The following LRRC8B variants were observed in gnomAD, a reference collection of about 807,000 sequenced individuals.
LRRC8B encodes volume-regulated anion channel subunit LRRC8B.
LRRC8B carries 23 observed loss-of-function variants against 58.8 expected under a neutral mutation model. The observed-to-expected ratio is 0.39, with a 90% CI of 0.28 to 0.55. LRRC8B has a LOEUF of 0.55. Ranked by LOEUF, LRRC8B falls within the 20% of genes least tolerant of loss-of-function variation. The probability of loss-of-function intolerance (pLI) is 0.62; values close to 1 mark genes in which losing one functional copy is unlikely to be tolerated. For synonymous variants in LRRC8B, 359 were observed against 374.1 expected, an observed-to-expected ratio of 0.96 and a Z score of 0.47; for missense variants, 694 against 936.0, an observed-to-expected ratio of 0.74 and a Z score of 3.37.
chr1:89,584,229 A>G lies in LRRC8B; in HGVS notation c.1579A>G (p.Ser527Gly). ...LSGCVLPEQL[S>G]TMQLEGFQDL... ...GGGCTGTGTTCTCCCTGAACAGTTG[A>G]GTACTATGCAGTTGGAGGGCTTTCA... The change falls in exon 5 of 6, where the codon AGT becomes GGT. Residue 527 changes from serine to glycine, a missense_variant. Physicochemically the swap from Ser to Gly is moderately conservative, Grantham distance 56. This residue lies in a region of LRRC8B where 162 missense variants were observed against 198.5 expected (regional missense o/e 0.82). Coordinates refer to ENST00000330947, the MANE Select transcript of LRRC8B (RefSeq NM_001369817.2). 1 of 1,612,278 alleles carries G rather than the reference A, an allele frequency of 6.2e-7. No homozygotes were observed. Among genetic ancestry groups the G allele is most frequent in the Non-Finnish European group, 8.5e-7 (1 of 1,180,024 alleles).
intron 1 of LRRC8B, among the ~76,000 whole-genome samples, chr1:89,531,024 C>G (rs1650095095): frequency 6.6e-6 from 1 of 152,092 alleles, no homozygotes; most frequent in African/African-American, 2.4e-5. Flanking sequence ...ATGACTGAGC[C>G]TTGGGGGTTG....
intron 3 of LRRC8B, among the ~76,000 whole-genome samples, chr1:89,569,022 A>G (rs1424952561): frequency 6.6e-6 from 1 of 152,200 alleles, no homozygotes; most frequent in Non-Finnish European, 1.5e-5. Context: ...CAGAAGATTA[A>G]TTTTAAGTTA....
At position 89,545,572 on chromosome 1, in the gene LRRC8B, A is replaced by G. The variant is rs376291630; in HGVS notation, c.-241+20550A>G. 8.0e-4 allele frequency among the ~76,000 whole-genome samples: 122 copies of G among 152,338 alleles called. 1 individual carries two copies. The South Asian group carries it at 0.021, about 26-fold the overall frequency. ...CATACAGAATTTGGTTAATATGCTG[A>G]ATAAAATTGTTGTGTCAAATTTTAA... On this transcript the variant is annotated intron_variant, in intron 1 of 5. Transcript: ENST00000330947.
chr1:89,543,643 A>G (rs12407606), intron 1 of LRRC8B, among the ~76,000 whole-genome samples: 26,817 of 151,832 alleles, frequency 0.18, 2,937 homozygotes, highest in Admixed American at 0.29. Flanking sequence ...GTACAGGCAC[A>G]TGCCAGCAGC....
intron 3 of LRRC8B, among the ~76,000 whole-genome samples, chr1:89,573,291 T>C (rs2101021703): frequency 6.7e-6 from 1 of 148,826 alleles, no homozygotes; most frequent in Non-Finnish European, 1.5e-5. Flanking sequence ...AGAGCAAGAC[T>C]CCGTCTCAAA....
At chr1:89,586,483 A>T (rs1340432297) in intron 5 of LRRC8B, among the ~76,000 whole-genome samples, 1 of 152,196 alleles carries the variant, frequency 6.6e-6, no homozygotes, top group Non-Finnish European at 1.5e-5. Context: ...GTCGGAGCTT[A>T]TTCAATTGTT....
chr1:89,543,835 T>G (rs1025690436), intron 1 of LRRC8B, among the ~76,000 whole-genome samples: 1 of 151,880 alleles, frequency 6.6e-6, no homozygotes, highest in South Asian at 2.1e-4. Context: ...TTGCCCAGGC[T>G]GGAGTCCAGT....
chr1:89,553,331 AG>A (rs1435635270), intron 1 of LRRC8B, among the ~76,000 whole-genome samples: 1 of 152,174 alleles, frequency 6.6e-6, no homozygotes, highest in Non-Finnish European at 1.5e-5. Context: ...TTTTAAACAG[AG>A]GTTTGATTGC....
chr1:89,540,428 A>C (rs1650872373), intron 1 of LRRC8B, among the ~76,000 whole-genome samples: 3 of 152,184 alleles, frequency 2.0e-5, no homozygotes, highest in Admixed American at 2.0e-4. Context: ...ATCTGTTGTA[A>C]TGGCCCTAAC....
chr1:89,561,057 T>G (rs1652609128), intron 1 of LRRC8B, among the ~76,000 whole-genome samples: 1 of 150,326 alleles, frequency 6.7e-6, no homozygotes, highest in Non-Finnish European at 1.5e-5. Flanking sequence ...TGTTGTTTCC[T>G]GACTTTTTAA....
chr1:89,585,616 G>T (rs1365586550), intron 5 of LRRC8B, among the ~76,000 whole-genome samples: 1 of 152,090 alleles, frequency 6.6e-6, no homozygotes, highest in Non-Finnish European at 1.5e-5. Flanking sequence ...ACTTGAAAAT[G>T]GGTACAGCTA....
chr1:89,551,689 T>C (rs1651827312), intron 1 of LRRC8B, among the ~76,000 whole-genome samples: 1 of 151,896 alleles, frequency 6.6e-6, no homozygotes, highest in South Asian at 2.1e-4. Flanking sequence ...ATAAAGTGAG[T>C]GAGGGAGTAA....
rs1373604795 is a variant in LRRC8B at position 89,584,694 on chromosome 1, C to T, written c.2044C>T (p.His682Tyr). The T allele has an allele frequency of 1.2e-6, 2 of 1,613,800 alleles. No homozygotes were observed. Among genetic ancestry groups the T allele is most frequent in the Non-Finnish European group, 1.7e-6 (2 of 1,179,928 alleles). Reference sequence around the variant, plus strand: ...GCAGCTTTTCCTATGCACTAAACTACATTATTTGGATCTAAGCTATAACCA... The same window carrying T: ...GCAGCTTTTCCTATGCACTAAACTATATTATTTGGATCTAAGCTATAACCA... ...PLQLFLCTKL[H>Y]YLDLSYNHLT... Residue 682 changes from histidine (H) to tyrosine (Y), a missense_variant, in exon 5 of 6, where the codon CAT (histidine) becomes TAT (tyrosine). This residue lies in a region of LRRC8B where 139 missense variants were observed against 158.2 expected (regional missense o/e 0.88). Coordinates refer to ENST00000330947, the MANE Select transcript of LRRC8B (RefSeq NM_001369817.2).
At chr1:89,553,648 C>T (rs1185731949) in intron 1 of LRRC8B, among the ~76,000 whole-genome samples, 7 of 152,182 alleles carry the variant, frequency 4.6e-5, no homozygotes, top group East Asian at 1.9e-4. Context: ...TTTCAGGAAA[C>T]GTCTGCTTCC....
intron 1 of LRRC8B, among the ~76,000 whole-genome samples, chr1:89,531,323 A>G (rs902328399): frequency 1.3e-5 from 2 of 152,278 alleles, no homozygotes; most frequent in Non-Finnish European, 2.9e-5. Context: ...GATAAATTTT[A>G]TTATGTGCAC....
At chr1:89,532,017 G>C (rs1650171256) in intron 1 of LRRC8B, among the ~76,000 whole-genome samples, 1 of 152,024 alleles carries the variant, frequency 6.6e-6, no homozygotes, top group African/African-American at 2.4e-5. Flanking sequence ...TCCTCCCTCA[G>C]TGGCACACCA....
At chr1:89,592,665 A>G in intron 5 of LRRC8B, 106 bp from the exon 6 acceptor site, 2 of 974,720 alleles carry the variant, frequency 2.1e-6, no homozygotes, top group East Asian at 2.4e-5. Flanking sequence ...ATCACTTATA[A>G]ACCTCCAGAA....
rs1423068637 is a variant in LRRC8B at position 89,533,649 on chromosome 1, C to A, written c.-241+8627C>A. ...AGCTATACCTATCATAGTACCTAGG[C>A]TAGAGAACAGCTTGGCCTCCTCCTG... On this transcript the variant is annotated intron_variant, in intron 1 of 5. Coordinates refer to ENST00000330947, the MANE Select transcript of LRRC8B (RefSeq NM_001369817.2). Among the ~76,000 whole-genome samples the A allele has an allele frequency of 3.9e-5, 6 of 152,248 alleles. No homozygotes were observed. The East Asian group carries it at 5.8e-4, about 15-fold the overall frequency.
In LRRC8B at chr1:89,537,408, G is replaced by A. The variant is rs1200191172; in HGVS notation, c.-241+12386G>A. On this transcript the variant is annotated intron_variant, in intron 1 of 5. Transcript: ENST00000330947. ...GACAGTGATGAGAGGTAGGACATTTGGAAGATGATTGGATTGTAAAAACAA... is the reference window on the plus strand; with the variant it reads ...GACAGTGATGAGAGGTAGGACATTTAGAAGATGATTGGATTGTAAAAACAA... Among the ~76,000 whole-genome samples the A allele has an allele frequency of 4.0e-4, 61 of 152,152 alleles. 1 individual carries two copies. The highest frequency in any genetic ancestry group is 4.0e-3 in the Admixed American group (61 of 15,272).
Sources: allele counts gnomAD v4.1 joint callset (sites outside exome capture counted in the v4.1 genomes callset), GRCh38; gene constraint gnomAD v4.1.1; regional missense constraint gnomAD v4.1.1; transcripts MANE v1.5; gene names NCBI Gene and HGNC (gene_info 2026-07-23, HGNC 2026-07-21).